The following FBXO5 variants were observed in gnomAD, a reference collection of about 807,000 sequenced individuals.
The protein encoded by FBXO5 is F-box only protein 5.
In FBXO5, 8 loss-of-function variants were observed where a neutral mutation model predicts 43.3. The ratio of observed to expected loss-of-function variants is 0.18; its 90% CI spans 0.11 to 0.33. The LOEUF (loss-of-function observed/expected upper bound fraction) is 0.33. Ranked by LOEUF, FBXO5 falls within the 10% of genes least tolerant of loss-of-function variation. The pLI is 1.00. For synonymous variants in FBXO5, 204 were observed against 193.7 expected, an observed-to-expected ratio of 1.05 and a Z score of -0.44; for missense variants, 491 against 535.7, an observed-to-expected ratio of 0.92 and a Z score of 0.82.
intron 3 of FBXO5, chr6:152,972,837 T>A: frequency 2.2e-6 from 1 of 448,858 alleles, no homozygotes; most frequent in Non-Finnish European, 3.8e-6. Flanking sequence ...CCTTTGTTAC[T>A]TTAGACATTC....
At chr6:152,972,001 CATAGAA>C (rs1347332452) in intron 4 of FBXO5, among the ~76,000 whole-genome samples, 2 of 152,130 alleles carry the variant, frequency 1.3e-5, no homozygotes. Context: ...ACCTAATATT[CATAGAA>C]ATACATTTCT....
At chr6:152,972,721 A>G (rs2129093217) in intron 3 of FBXO5, 1 of 473,800 alleles carries the variant, frequency 2.1e-6, no homozygotes, top group Non-Finnish European at 3.7e-6. Context: ...CCTAAAAAGT[A>G]AAACAGCTTT....
chr6:152,976,589 C>G (rs947369051), intron 1 of FBXO5, among the ~76,000 whole-genome samples: 5 of 152,198 alleles, frequency 3.3e-5, no homozygotes, highest in Admixed American at 6.5e-5. Flanking sequence ...GAATGACACT[C>G]TAATCAATTA....
intron 1 of FBXO5, among the ~76,000 whole-genome samples, chr6:152,980,474 GA>G (rs1289880950): frequency 3.2e-4 from 48 of 152,274 alleles, no homozygotes; most frequent in African/African-American, 1.0e-3. Context: ...AATTATAGTT[GA>G]AGAAGTAGAA....
In FBXO5 at chr6:152,971,414, C is replaced by A. The variant is rs748349934; in HGVS notation, c.1093G>T (p.Val365Phe). The stretch of plus-strand genomic sequence containing the variant: ...TCGTTCTTTTTCAATGTCTTGGCAA[C>A]CTAAAAAGAAAAAAAAAACCCATTA... ...TYSRHNEFSE[V>F]AKTLKKNESL... is the part of the protein sequence containing the mutation. Residue 365 changes from valine (V) to phenylalanine (F), a missense_variant and splice_region_variant, in exon 5 of 5, where the codon GTT becomes TTT. Transcript: ENST00000229758. 8.9e-6 allele frequency: 14 copies of A among 1,573,790 alleles called. No individual in the cohort carries two copies. Among genetic ancestry groups the A allele is most frequent in the African/African-American group, 1.4e-5 (1 of 71,142 alleles).
chr6:152,982,647 C>A (rs1778280520), intron 1 of FBXO5, among the ~76,000 whole-genome samples: 1 of 152,146 alleles, frequency 6.6e-6, no homozygotes, highest in Non-Finnish European at 1.5e-5. Context: ...GCCATCCCGC[C>A]CCTGCACATC....
chr6:152,976,381 C>A (rs903045480), intron 1 of FBXO5, among the ~76,000 whole-genome samples: 1 of 152,158 alleles, frequency 6.6e-6, no homozygotes, highest in East Asian at 1.9e-4. Flanking sequence ...CTCCTGGTGA[C>A]CTTCTAATAT....
chr6:152,973,250 T>C, intron 2 of FBXO5, 114 bp from the exon 3 acceptor site: 1 of 808,306 alleles, frequency 1.2e-6, no homozygotes, highest in Non-Finnish European at 2.0e-6. Context: ...TTAGTGCTTC[T>C]CAAACCTGAC....
intron 1 of FBXO5, among the ~76,000 whole-genome samples, chr6:152,977,613 G>C (rs1052457527): frequency 3.3e-5 from 5 of 152,196 alleles, no homozygotes; most frequent in Admixed American, 6.5e-5. Context: ...GAGTGGTTTA[G>C]TTTTATTCAG....
chr6:152,980,283 G>A (rs1725802718), intron 1 of FBXO5, among the ~76,000 whole-genome samples: 1 of 152,164 alleles, frequency 6.6e-6, no homozygotes, highest in South Asian at 2.1e-4. Context: ...GACAGGGTAG[G>A]GAGAGAGAAA....
At chr6:152,972,159 GAATA>G in intron 4 of FBXO5, 109 bp downstream of exon 4, 1 of 616,128 alleles carries the variant, frequency 1.6e-6, no homozygotes, top group Non-Finnish European at 2.7e-6. Flanking sequence ...TAATGTCAGA[GAATA>G]AATTAGTTAT....
At chr6:152,978,714 G>A (rs368542117) in intron 1 of FBXO5, among the ~76,000 whole-genome samples, 1 of 152,136 alleles carries the variant, frequency 6.6e-6, no homozygotes, top group East Asian at 1.9e-4. Flanking sequence ...TAGGTAAGGT[G>A]CAGTGGCTCA....
At chr6:152,972,950 T>C in intron 3 of FBXO5, 96 bp downstream of exon 3, 1 of 922,630 alleles carries the variant, frequency 1.1e-6, no homozygotes. Context: ...TTTATGACTG[T>C]AAAGAAGGGT....
At chr6:152,981,741 A>G (rs930083787) in intron 1 of FBXO5, among the ~76,000 whole-genome samples, 1 of 151,732 alleles carries the variant, frequency 6.6e-6, no homozygotes, top group African/African-American at 2.4e-5. Context: ...CTAGAAATAT[A>G]TTTAATCTAT....
At chr6:152,972,981 T>C (rs986932419) in intron 3 of FBXO5, 65 bp downstream of exon 3, 1 of 1,323,472 alleles carries the variant, frequency 7.6e-7, no homozygotes, top group South Asian at 1.2e-5. Context: ...CCTCTTTTCT[T>C]TTCTATTTCT....
chr6:152,973,029 C>T lies in FBXO5; in HGVS notation c.909+17G>A, dbSNP rs746227583. The T allele has an allele frequency of 2.4e-5, 38 of 1,602,378 alleles. No individual in the cohort carries two copies. The highest frequency in any genetic ancestry group is 3.2e-5 in the Non-Finnish European group (37 of 1,169,694). ...ACAGTGCATTTTTAACTAAAAACAT[C>T]ATCTGCAAACACTTACGGTAACTCT... is the stretch of plus-strand genomic sequence containing the variant. On this transcript the variant is annotated intron_variant, in intron 3 of 4. Coordinates refer to ENST00000229758, the MANE Select transcript of FBXO5 (RefSeq NM_012177.5).
At position 152,974,971 on chromosome 6, in the gene FBXO5, G is replaced by A; in HGVS notation, c.754C>T (p.Arg252Ter). 6.2e-7 allele frequency: 1 copy of A among 1,613,244 alleles called. No homozygotes were observed. Among genetic ancestry groups the A allele is most frequent in the Non-Finnish European group, 8.5e-7 (1 of 1,179,806 alleles). Reference protein sequence around the residue: ...ECVDILSELFRRGLRHVLATI... With the variant: ...ECVDILSELF ...GCTAAGACATGTCTGAGTCCCCTTCGAAAGAGTTCGCTGAGAATATCTACA... is the reference window on the plus strand; with the variant it reads ...GCTAAGACATGTCTGAGTCCCCTTCAAAAGAGTTCGCTGAGAATATCTACA... Residue 252 changes from arginine (R) to a stop codon, truncating the protein, a stop_gained, in exon 2 of 5, where the codon CGA becomes TGA. Coordinates refer to ENST00000229758, the MANE Select transcript of FBXO5 (RefSeq NM_012177.5). LOFTEE classifies it high-confidence loss of function.
In FBXO5 at chr6:152,972,400, T is replaced by C. The variant is rs1440402600; in HGVS notation, c.964A>G (p.Arg322Gly). The change falls in exon 4 of 5, where the codon AGA becomes GGA. Residue 322 changes from arginine (R) to glycine (G), a missense_variant. Coordinates refer to ENST00000229758, the MANE Select transcript of FBXO5 (RefSeq NM_012177.5). ...HASTREYVMF[R>G]TPLASVQKSA... ...TTCTGAACAGAAGCCAGTGGGGTTC[T>C]GAACATAACATATTCTCTGGTTGAA... 1 of 1,611,572 alleles carries C rather than the reference T, an allele frequency of 6.2e-7. No individual in the cohort carries two copies. The highest frequency in any genetic ancestry group is 8.5e-7 in the Non-Finnish European group (1 of 1,178,622).
chr6:152,978,184 C>T (rs1317488817), intron 1 of FBXO5, among the ~76,000 whole-genome samples: 1 of 151,968 alleles, frequency 6.6e-6, no homozygotes, highest in Non-Finnish European at 1.5e-5. Flanking sequence ...ATGTTGCAAG[C>T]GCACTTAAGG....
Sources: gnomAD v4.1 joint callset for allele counts (sites outside exome capture counted in the v4.1 genomes callset) on GRCh38, gnomAD v4.1.1 for gene constraint, MANE v1.5 for transcripts, NCBI Gene and HGNC (gene_info 2026-07-23, HGNC 2026-07-21) for gene names.